SHISA5: variants seen among roughly 807,000 people sequenced by gnomAD.
SHISA5 encodes the protein shisa family member 5.
Under a neutral mutation model 27.5 loss-of-function variants are expected in SHISA5, and 21 were observed. The ratio of observed to expected loss-of-function variants is 0.76; its 90% CI spans 0.54 to 1.10. The LOEUF (loss-of-function observed/expected upper bound fraction) is 1.10, where lower values mean the gene tolerates loss of function less well. Ranked by LOEUF, SHISA5 falls within the 50% of genes least tolerant of loss-of-function variation. The pLI, the probability that SHISA5 is intolerant of heterozygous loss-of-function variation, is 0.00. For synonymous variants in SHISA5, 137 were observed against 142.2 expected (o/e 0.96, Z 0.26); for missense variants, 314 against 336.3 (o/e 0.93, Z 0.52).
intron 2 of SHISA5, among the ~76,000 whole-genome samples, chr3:48,489,574 G>A (rs368427029): frequency 2.7e-5 from 4 of 149,296 alleles, no homozygotes; most frequent in East Asian, 2.0e-4. Flanking sequence ...CGCCCGCCTC[G>A]GCCTCCCAAA....
At chr3:48,480,806 T>C (rs1004990588) in intron 2 of SHISA5, among the ~76,000 whole-genome samples, 5 of 151,950 alleles carry the variant, frequency 3.3e-5, no homozygotes, top group Admixed American at 6.6e-5. Flanking sequence ...TAAAAATAAA[T>C]GATATGGGCC....
rs55724575 is a variant in SHISA5, at chr3:48,499,864, C to CAAA, written c.233+1270_233+1272dup. On this transcript the variant is annotated intron_variant, in intron 2 of 5. Transcript: ENST00000296444. ...GGGCAACAGAAGTGAGACTCCGTCTCAAAAAAAAAAAAAAAAAAAAAGCCA... is the reference window on the plus strand; with the variant it reads ...GGGCAACAGAAGTGAGACTCCGTCTCAAAAAAAAAAAAAAAAAAAAAAAAGCCA... Among the ~76,000 whole-genome samples the CAAA allele has an allele frequency of 5.5e-4, 26 of 47,018 alleles. 1 individual carries two copies. The East Asian group carries it at 6.5e-3, about 12-fold the overall frequency. The allele number at this position is 47,018 out of a possible 152,430, so 30.8% of individuals were successfully genotyped here. A position where few individuals can be genotyped will look rare whatever the true frequency, so the allele number is the denominator to read the frequency against.
At chr3:48,503,781 G>A (rs556777257) in intron 1 of SHISA5, 9 of 1,245,764 alleles carry the variant, frequency 7.2e-6, no homozygotes, top group East Asian at 3.2e-5. Flanking sequence ...CCTCCCCACC[G>A]TTCCAGGACA....
rs754009585 is a variant in SHISA5, at chr3:48,469,709, G to A, written c.430+19C>T. 1.2e-6 allele frequency: 2 copies of A among 1,613,584 alleles called. No homozygotes were observed. Among genetic ancestry groups the A allele is most frequent in the Admixed American group, 1.7e-5 (1 of 59,918 alleles). ...TACCACCCCAGGGGGTCACAGTGGG[G>A]CAGGGTGGGCACGCTTACGACGTGG... is the stretch of plus-strand genomic sequence containing the variant. On this transcript the variant is annotated intron_variant, in intron 4 of 5. Coordinates refer to ENST00000296444, the MANE Select transcript of SHISA5 (RefSeq NM_016479.6). This position sits in a 1 kb window ranked among gnomAD's most constrained non-coding sequence, Gnocchi z 4.6.
At chr3:48,487,903 C>T (rs2041299781) in intron 2 of SHISA5, among the ~76,000 whole-genome samples, 1 of 152,042 alleles carries the variant, frequency 6.6e-6, no homozygotes, top group Non-Finnish European at 1.5e-5. Flanking sequence ...CTCAAAAAAC[C>T]AAACCAAACC....
intron 2 of SHISA5, among the ~76,000 whole-genome samples, chr3:48,480,076 TG>T (rs1405915055): frequency 6.6e-6 from 1 of 151,602 alleles, no homozygotes; most frequent in Non-Finnish European, 1.5e-5. Context: ...GCTAATTTTT[TG>T]TATTTTTAGT....
intron 3 of SHISA5, among the ~76,000 whole-genome samples, chr3:48,474,174 A>G (rs1158716459): frequency 1.3e-5 from 2 of 151,122 alleles, no homozygotes; most frequent in Non-Finnish European, 3.0e-5. Context: ...TGCAGCCTCA[A>G]ACTCCCAGGC....
At chr3:48,478,541 G>A (rs2040895808) in intron 3 of SHISA5, among the ~76,000 whole-genome samples, 1 of 152,094 alleles carries the variant, frequency 6.6e-6, no homozygotes, top group African/African-American at 2.4e-5. Context: ...CCACCTCCAG[G>A]AAGATGTCAC....
At chr3:48,472,671 A>G (rs899150460) in intron 3 of SHISA5, among the ~76,000 whole-genome samples, 3 of 152,084 alleles carry the variant, frequency 2.0e-5, no homozygotes, top group Non-Finnish European at 4.4e-5. Context: ...CAGAGGCCCA[A>G]GGAGGGTGTG....
chr3:48,480,346 C>A (rs1052116468), intron 2 of SHISA5, among the ~76,000 whole-genome samples: 7 of 149,112 alleles, frequency 4.7e-5, no homozygotes, highest in Non-Finnish European at 1.0e-4. Context: ...AATAAGAACT[C>A]ATAAAGGATA....
Position 48,504,132 on chromosome 3 carries a change from G to C in SHISA5, c.-38C>G, listed in dbSNP as rs1166756613. 1 of 1,087,186 alleles carries C rather than the reference G, an allele frequency of 9.2e-7. No individual in the cohort carries two copies. The highest frequency in any genetic ancestry group is 1.2e-6 in the Non-Finnish European group (1 of 828,340). 67.3% of individuals were successfully genotyped at this position (1,087,186 alleles called of 1,614,324 possible). A position where few individuals can be genotyped will look rare whatever the true frequency, so the allele number is the denominator to read the frequency against. The stretch of plus-strand genomic sequence containing the variant: ...GGACGGGCGGACGGACGCGAGCGCC[G>C]GGCGCAGTGCCGCCACAGCCTCAGT... On this transcript the variant is annotated 5_prime_UTR_variant, in exon 1 of 6. Transcript: ENST00000296444. This position sits in a 1 kb window ranked among gnomAD's most constrained non-coding sequence, Gnocchi z 4.0.
intron 2 of SHISA5, among the ~76,000 whole-genome samples, chr3:48,490,091 C>G (rs1020998263): frequency 6.6e-6 from 1 of 151,922 alleles, no homozygotes; most frequent in Non-Finnish European, 1.5e-5. Context: ...TTTTCTGAGA[C>G]GGAGTTTTGC....
chr3:48,469,894 G>T lies in SHISA5; in HGVS notation c.315-51C>A, dbSNP rs774015845. 14 of 1,580,580 alleles carry T rather than the reference G, an allele frequency of 8.9e-6. No individual in the cohort carries two copies. In the South Asian group the frequency reaches 1.5e-4, roughly 17 times the overall value. On this transcript the variant is annotated intron_variant, in intron 3 of 5. Transcript: ENST00000296444. This position sits in a 1 kb window ranked among gnomAD's most constrained non-coding sequence, Gnocchi z 4.6. ...GGGCACCTCGCCCCTCCCCAGACCA[G>T]CATCCACACCTTCCCAAGGCATGCC...
chr3:48,467,987 G>T lies in SHISA5; in HGVS notation c.*1120C>A. Reference sequence around the variant, plus strand: ...ACAGTAATAGAGGGAGGAGGAACACGAGGTATTCATGTCTGGGCCAGAGCT... The same window carrying T: ...ACAGTAATAGAGGGAGGAGGAACACTAGGTATTCATGTCTGGGCCAGAGCT... On this transcript the variant is annotated 3_prime_UTR_variant, in exon 6 of 6. Coordinates refer to ENST00000296444, the MANE Select transcript of SHISA5 (RefSeq NM_016479.6). 1 of 273,448 alleles carries T rather than the reference G, an allele frequency of 3.7e-6. No individual in the cohort carries two copies. 16.9% of individuals were successfully genotyped at this position (273,448 alleles called of 1,614,324 possible). A position where few individuals can be genotyped will look rare whatever the true frequency, so the allele number is the denominator to read the frequency against.
At chr3:48,489,620 C>CTTT (rs1560130851) in intron 2 of SHISA5, among the ~76,000 whole-genome samples, 1 of 127,726 alleles carries the variant, frequency 7.8e-6, no homozygotes, top group African/African-American at 3.4e-5. Flanking sequence ...CTGCGCCTGG[C>CTTT]CTTTTTTTTT....
chr3:48,503,666 G>C (rs906342806), intron 1 of SHISA5: 7 of 1,078,104 alleles, frequency 6.5e-6, no homozygotes, highest in Non-Finnish European at 8.0e-6. Context: ...TCTGATGGAG[G>C]GGCCAGCTCG....
At chr3:48,501,326 C>T (rs375947471) in intron 1 of SHISA5, 33 bp from the exon 2 acceptor site, 5 of 1,605,036 alleles carry the variant, frequency 3.1e-6, no homozygotes, top group Non-Finnish European at 4.3e-6. Context: ...TTCACCTGTG[C>T]CCACGGGCCA....
rs558554675 is a variant in SHISA5, at chr3:48,475,439, C to T, written c.314+3738G>A. Among the ~76,000 whole-genome samples the T allele has an allele frequency of 2.6e-5, 4 of 152,184 alleles. No individual in the cohort carries two copies. In the South Asian group the frequency reaches 8.3e-4, roughly 32 times the overall value. On this transcript the variant is annotated intron_variant, in intron 3 of 5. Transcript: ENST00000296444. ...ATTGTAGGGTCTGGGGAGAACTCGG[C>T]GGCCTCCAAGAAATGGAAGACTCCA...
rs1167413203 is a variant in SHISA5 at position 48,501,298 on chromosome 3, A to G, written c.77-5T>C. On this transcript the variant is annotated splice_region_variant and splice_polypyrimidine_tract_variant and intron_variant, in intron 1 of 5. Coordinates refer to ENST00000296444, the MANE Select transcript of SHISA5 (RefSeq NM_016479.6). Reference sequence around the variant, plus strand: ...CCATACACACCTCACCACGTGCTGGAGAGGAGAAACACATCTGTTCACCTG... The same window carrying G: ...CCATACACACCTCACCACGTGCTGGGGAGGAGAAACACATCTGTTCACCTG... The G allele has an allele frequency of 6.2e-7, 1 of 1,613,146 alleles. No individual in the cohort carries two copies. The highest frequency in any genetic ancestry group is 1.7e-5 in the Admixed American group (1 of 59,928).
Sources: allele counts gnomAD v4.1 joint callset (sites outside exome capture counted in the v4.1 genomes callset), GRCh38; gene constraint gnomAD v4.1.1; non-coding constraint Gnocchi (gnomAD v3.1); transcripts MANE v1.5; gene names NCBI Gene and HGNC (gene_info 2026-07-23, HGNC 2026-07-21).